Variants in FMOD observed in about 807,000 individuals in gnomAD.
FMOD encodes KSPG fibromodulin.
FMOD carries 15 observed loss-of-function variants against 27.0 expected under a neutral mutation model. That is an observed-to-expected ratio of 0.55 (90% CI 0.37 to 0.85). The LOEUF (loss-of-function observed/expected upper bound fraction) is 0.85, where lower values mean the gene tolerates loss of function less well. Among genes scored for constraint, FMOD ranks in the 40% least tolerant of loss-of-function variants. The pLI is 0.00. For synonymous variants in FMOD, 210 were observed against 214.0 expected, an observed-to-expected ratio of 0.98 and a Z score of 0.16; for missense variants, 460 against 483.2, an observed-to-expected ratio of 0.95 and a Z score of 0.45.
rs762420737 is a variant in FMOD, at chr1:203,342,226, G to A, written c.*117C>T. Reference sequence around the variant, plus strand: ...CACCTACAGGAAAGAAGACTACAGAGGGTGCCCGTGGACTTCTGTCACATG... The same window carrying A: ...CACCTACAGGAAAGAAGACTACAGAAGGTGCCCGTGGACTTCTGTCACATG... On this transcript the variant is annotated 3_prime_UTR_variant, in exon 3 of 3. Coordinates refer to ENST00000354955, the MANE Select transcript of FMOD (RefSeq NM_002023.5). 181 of 1,290,060 alleles carry A rather than the reference G, an allele frequency of 1.4e-4. 1 individual carries two copies. Among genetic ancestry groups the A allele is most frequent in the Non-Finnish European group, 1.8e-4 (173 of 941,916 alleles). The allele number at this position is 1,290,060 out of a possible 1,614,324, so 79.9% of individuals were successfully genotyped here.
intron 2 of FMOD, among the ~76,000 whole-genome samples, chr1:203,342,793 G>A (rs1342746162): frequency 7.0e-6 from 1 of 143,222 alleles, no homozygotes; most frequent in Non-Finnish European, 1.5e-5. Context: ...TTTTTTTTTA[G>A]CAGGATAGGG....
chr1:203,349,326 C>T (rs577558232), intron 1 of FMOD, among the ~76,000 whole-genome samples: 4 of 152,334 alleles, frequency 2.6e-5, no homozygotes, highest in South Asian at 2.1e-4. Context: ...CTGCTCCCAG[C>T]GATGACACCT....
At position 203,342,418 on chromosome 1, in the gene FMOD, C is replaced by G; in HGVS notation, c.1056G>C (p.Gly352=). The change falls in exon 3 of 3, where the codon GGG becomes GGC. Residue 352 remains glycine, a synonymous_variant. Coordinates refer to ENST00000354955, the MANE Select transcript of FMOD (RefSeq NM_002023.5). ...GCATGGCGCTGCGCTTGATCTCGTT[C>G]CCGTCCAGGCGCAGCACCTGCAGCT... The part of the protein sequence containing the change: ...FSKLQVLRLD[G]NEIKRSAMPA... 3 of 1,614,130 alleles carry G rather than the reference C, an allele frequency of 1.9e-6. No individual in the cohort carries two copies. Among genetic ancestry groups the G allele is most frequent in the Non-Finnish European group, 2.5e-6 (3 of 1,180,020 alleles).
chr1:203,348,896 A>C (rs1430789312), intron 1 of FMOD, among the ~76,000 whole-genome samples: 2 of 152,166 alleles, frequency 1.3e-5, no homozygotes, highest in Non-Finnish European at 2.9e-5. Context: ...CTCTGCAGCC[A>C]CCACAAGGCT....
Position 203,348,239 on chromosome 1 carries a change from C to T in FMOD, c.32G>A (p.Gly11Glu), listed in dbSNP as rs767174888. Residue 11 changes from glycine to glutamate, a missense_variant, in exon 2 of 3, where the codon GGG becomes GAG. Physicochemically the swap from Gly to Glu is moderately conservative, Grantham distance 98. Coordinates refer to ENST00000354955, the MANE Select transcript of FMOD (RefSeq NM_002023.5). ...CTGGGCCTGGGAGAGGGAGAAGAGCCCTGCCAGCAGCAGGAGGGAGGTCCA... is the reference window on the plus strand; with the variant it reads ...CTGGGCCTGGGAGAGGGAGAAGAGCTCTGCCAGCAGCAGGAGGGAGGTCCA... MQWTSLLLLAGLFSLSQAQYE... is the reference protein window; with the variant it reads MQWTSLLLLAELFSLSQAQYE... 5.0e-6 allele frequency: 8 copies of T among 1,613,846 alleles called. No individual in the cohort carries two copies. Among genetic ancestry groups the T allele is most frequent in the South Asian group, 1.1e-5 (1 of 91,074 alleles).
rs1571516716 is a variant in FMOD at position 203,343,709 on chromosome 1, G to A, written c.980-1215C>T. On this transcript the variant is annotated intron_variant, in intron 2 of 2. Transcript: ENST00000354955. ...CAGTCTGGGGCCAGGCACGAGGAGT[G>A]GGGGCAGGGGGTGCTTTTCTAACTC... 3.9e-5 allele frequency among the ~76,000 whole-genome samples: 6 copies of A among 152,326 alleles called. No individual in the cohort carries two copies. In the South Asian group the frequency reaches 1.2e-3, roughly 32 times the overall value.
At chr1:203,346,586 C>G (rs1658891999) in intron 2 of FMOD, among the ~76,000 whole-genome samples, 1 of 151,372 alleles carries the variant, frequency 6.6e-6, no homozygotes, top group African/African-American at 2.4e-5. Context: ...GCTCATGTTA[C>G]CCTAGGAAGG....
Position 203,347,769 on chromosome 1 carries a change from T to C in FMOD, c.502A>G (p.Thr168Ala). Reference sequence around the variant, plus strand: ...CGAGGCAGGGGACCGGGCATCCGGGTCAGGTTGTTGTGGTCCAGGTACAGC... The same window carrying C: ...CGAGGCAGGGGACCGGGCATCCGGGCCAGGTTGTTGTGGTCCAGGTACAGC... The part of the protein sequence containing the change: ...ERLYLDHNNL[T>A]RMPGPLPRSL... The change falls in exon 2 of 3, where the codon ACC (threonine) becomes GCC (alanine). Residue 168 changes from threonine (T) to alanine (A), a missense_variant. By Grantham distance (58) the Thr-to-Ala change is moderately conservative. Coordinates refer to ENST00000354955, the MANE Select transcript of FMOD (RefSeq NM_002023.5). The C allele has an allele frequency of 6.2e-7, 1 of 1,613,702 alleles. No homozygotes were observed. Among genetic ancestry groups the C allele is most frequent in the Non-Finnish European group, 8.5e-7 (1 of 1,179,984 alleles).
Position 203,348,200 on chromosome 1 carries a change from G to C in FMOD, c.71C>G (p.Pro24Arg). ...SLSQAQYEDD[P>R]HWWFHYLRSQ... The stretch of plus-strand genomic sequence containing the variant: ...GCGGAGGTAGTGGAACCACCAATGA[G>C]GGTCATCTTCATACTGGGCCTGGGA... Residue 24 changes from proline to arginine, a missense_variant, in exon 2 of 3, where the codon CCT (proline) becomes CGT (arginine). By Grantham distance (103) the Pro-to-Arg change is moderately radical (BLOSUM62 -2). Coordinates refer to ENST00000354955, the MANE Select transcript of FMOD (RefSeq NM_002023.5). The C allele has an allele frequency of 6.2e-7, 1 of 1,614,198 alleles. No homozygotes were observed. Among genetic ancestry groups the C allele is most frequent in the Non-Finnish European group, 8.5e-7 (1 of 1,180,026 alleles).
chr1:203,347,467 G>C lies in FMOD; in HGVS notation c.804C>G (p.Pro268=). The part of the protein sequence containing the change: ...TVPDSYFRGA[P]KLLYVRLSHN... The stretch of plus-strand genomic sequence containing the variant: ...GGGACAGCCGCACATACAGCAGCTT[G>C]GGCGCCCCCCGGAAGTAGCTATCGG... Residue 268 remains proline, a synonymous_variant, in exon 2 of 3, where the codon CCC becomes CCG. Transcript: ENST00000354955. 6.2e-7 allele frequency: 1 copy of C among 1,614,090 alleles called. No homozygotes were observed. The highest frequency in any genetic ancestry group is 1.1e-5 in the South Asian group (1 of 91,056).
At position 203,348,207 on chromosome 1, in the gene FMOD, C is replaced by T. The variant is rs199610583; in HGVS notation, c.64G>A (p.Asp22Asn). The change falls in exon 2 of 3, where the codon GAT (aspartate) becomes AAT (asparagine). Residue 22 changes from aspartate to asparagine, a missense_variant. Asp to Asn is a conservative substitution (Grantham distance 23). Transcript: ENST00000354955. ...LFSLSQAQYE[D>N]DPHWWFHYLR... ...TAGTGGAACCACCAATGAGGGTCAT[C>T]TTCATACTGGGCCTGGGAGAGGGAG... 1.5e-5 allele frequency: 25 copies of T among 1,614,160 alleles called. No homozygotes were observed. In the East Asian group the frequency reaches 4.7e-4, roughly 30 times the overall value.
At chr1:203,342,809 GGTGGGCAGCT>G (rs1658820320) in intron 2 of FMOD, among the ~76,000 whole-genome samples, 1 of 151,664 alleles carries the variant, frequency 6.6e-6, no homozygotes. Context: ...TAGGGGGGCA[GGTGGGCAGCT>G]GTGGGCAGCA....
At chr1:203,344,133 G>T (rs1034993485) in intron 2 of FMOD, among the ~76,000 whole-genome samples, 4 of 152,130 alleles carry the variant, frequency 2.6e-5, no homozygotes, top group Non-Finnish European at 5.9e-5. Flanking sequence ...AGCCTAGACC[G>T]GGGCTGGGTC....
intron 2 of FMOD, among the ~76,000 whole-genome samples, chr1:203,345,242 C>A (rs1318599400): frequency 6.6e-6 from 1 of 152,070 alleles, no homozygotes; most frequent in East Asian, 1.9e-4. Context: ...GTTTGCGGGA[C>A]CTTAGGAAAC....
In FMOD at chr1:203,342,130, CT is replaced by C; in HGVS notation, c.*212del. 2 of 527,338 alleles carry C rather than the reference CT, an allele frequency of 3.8e-6. No homozygotes were observed. The highest frequency in any genetic ancestry group is 6.6e-6 in the Non-Finnish European group (2 of 302,176). The allele number at this position is 527,338 out of a possible 1,614,324, so 32.7% of individuals were successfully genotyped here. A position where few individuals can be genotyped will look rare whatever the true frequency, so the allele number is the denominator to read the frequency against. On this transcript the variant is annotated 3_prime_UTR_variant, in exon 3 of 3. Transcript: ENST00000354955. Reference sequence around the variant, plus strand: ...CTTCCATCTACCACCACTTCTGTCCCTGGAAAAGAGTGAGCTTCTGCCTATG... The same window carrying C: ...CTTCCATCTACCACCACTTCTGTCCCGGAAAAGAGTGAGCTTCTGCCTATG...
intron 2 of FMOD, among the ~76,000 whole-genome samples, chr1:203,344,664 G>A (rs148000218): frequency 1.4e-3 from 206 of 152,248 alleles, no homozygotes; most frequent in African/African-American, 4.5e-3. Flanking sequence ...CTGAGCTCCT[G>A]TTCTTCTTTA....
In FMOD at chr1:203,347,594, A is replaced by T; in HGVS notation, c.677T>A (p.Ile226Asn). The change falls in exon 2 of 3, where the codon ATC (isoleucine) becomes AAC (asparagine). Residue 226 changes from isoleucine (I) to asparagine (N), a missense_variant. Coordinates refer to ENST00000354955, the MANE Select transcript of FMOD (RefSeq NM_002023.5). ...GSSMRGLRSLILLDLSYNHLR... is the reference protein window; with the variant it reads ...GSSMRGLRSLNLLDLSYNHLR... ...GTGGTTATAACTCAGGTCCAGCAAG[A>T]TCAGTGACCGGAGGCCCCTCATGGA... 6.2e-7 allele frequency: 1 copy of T among 1,614,198 alleles called. No individual in the cohort carries two copies. Among genetic ancestry groups the T allele is most frequent in the Non-Finnish European group, 8.5e-7 (1 of 1,180,026 alleles).
chr1:203,345,084 C>G (rs959952727), intron 2 of FMOD, among the ~76,000 whole-genome samples: 1 of 152,180 alleles, frequency 6.6e-6, no homozygotes, highest in Non-Finnish European at 1.5e-5. Flanking sequence ...TAATTCACTA[C>G]TTTAAGGAAA....
chr1:203,345,916 G>A lies in FMOD; in HGVS notation c.979+1376C>T, dbSNP rs546069321. The stretch of plus-strand genomic sequence containing the variant: ...CTGTCTCAAAAAAAAAAAAAAAGAC[G>A]TCTTAGAGGACCCCTCAATCCCCAC... On this transcript the variant is annotated intron_variant, in intron 2 of 2. Coordinates refer to ENST00000354955, the MANE Select transcript of FMOD (RefSeq NM_002023.5). 3.4e-3 allele frequency among the ~76,000 whole-genome samples: 449 copies of A among 131,362 alleles called. 6 individuals are homozygous for A. The highest frequency in any genetic ancestry group is 0.02 in the Middle Eastern group (5 of 254). The allele number at this position is 131,362 out of a possible 152,430, so 86.2% of individuals were successfully genotyped here.
Sources: gnomAD v4.1 joint callset for allele counts (sites outside exome capture counted in the v4.1 genomes callset) on GRCh38, gnomAD v4.1.1 for gene constraint, MANE v1.5 for transcripts, NCBI Gene and HGNC (gene_info 2026-07-23, HGNC 2026-07-21) for gene names.